The following VWA8 variants were observed in gnomAD, a reference collection of about 807,000 sequenced individuals.
The protein encoded by VWA8 is von Willebrand factor A domain-containing protein 8.
VWA8 carries 221 observed loss-of-function variants against 241.5 expected under a neutral mutation model. The observed-to-expected ratio is 0.91, with a 90% CI of 0.82 to 1.02. VWA8 has a LOEUF of 1.02. VWA8 is among the 50% of genes least tolerant of loss of function. VWA8 has a pLI of 0.00. For missense variants in VWA8, 2,322 were observed against 2,328.7 expected (o/e 1.00, Z 0.06); for synonymous variants, 852 against 827.1 (o/e 1.03, Z -0.52).
At chr13:41,822,021 T>C (rs1458111744) in intron 14 of VWA8, among the ~76,000 whole-genome samples, 3 of 151,602 alleles carry the variant, frequency 2.0e-5, no homozygotes, top group East Asian at 3.9e-4. Context: ...GGTGCAGGAG[T>C]TGGGGATGTC....
chr13:41,636,171 C>T (rs2044755436), intron 37 of VWA8, among the ~76,000 whole-genome samples: 1 of 152,110 alleles, frequency 6.6e-6, no homozygotes, highest in African/African-American at 2.4e-5. Flanking sequence ...CATCATGCTA[C>T]CTGACTTCAA....
At chr13:41,744,013 G>A (rs1352061109) in intron 21 of VWA8, among the ~76,000 whole-genome samples, 2 of 152,214 alleles carry the variant, frequency 1.3e-5, no homozygotes, top group African/African-American at 4.8e-5. Flanking sequence ...AAATGCTTGG[G>A]AGGTCACAGG....
At position 41,829,325 on chromosome 13, in the gene VWA8, C is replaced by T. The variant is rs149136529; in HGVS notation, c.1700+1204G>A. On this transcript the variant is annotated intron_variant, in intron 14 of 44. Coordinates refer to ENST00000379310, the MANE Select transcript of VWA8 (RefSeq NM_015058.2). ...AAATTAGTATAACCACTATGGAAAACAGTATGGAGAGTCCTTAAAGAACTA... is the reference window on the plus strand; with the variant it reads ...AAATTAGTATAACCACTATGGAAAATAGTATGGAGAGTCCTTAAAGAACTA... Among the ~76,000 whole-genome samples, 662 of 152,116 alleles carry T rather than the reference C, an allele frequency of 4.4e-3. 5 individuals carry two copies. The highest frequency in any genetic ancestry group is 6.8e-3 in the Non-Finnish European group (460 of 67,996).
chr13:41,878,170 T>C (rs1873991394), intron 9 of VWA8, among the ~76,000 whole-genome samples: 2 of 152,050 alleles, frequency 1.3e-5, no homozygotes, highest in Non-Finnish European at 2.9e-5. Context: ...TATATATACA[T>C]ACCTTCTTAA....
rs1332305172 is a variant in VWA8 at position 41,800,794 on chromosome 13, A to C, written c.2063+10431T>G. Among the ~76,000 whole-genome samples the C allele has an allele frequency of 1.6e-4, 15 of 94,488 alleles. No individual in the cohort carries two copies. The South Asian group carries it at 7.4e-3, about 47-fold the overall frequency. 62.0% of individuals were successfully genotyped at this position (94,488 alleles called of 152,430 possible). Reference sequence around the variant, plus strand: ...GGTGACAGAGCGAGACTCCATCTCCAAAAAAAAAAAAAAAAACACCGTGTT... The same window carrying C: ...GGTGACAGAGCGAGACTCCATCTCCCAAAAAAAAAAAAAAAACACCGTGTT... On this transcript the variant is annotated intron_variant, in intron 17 of 44. Coordinates refer to ENST00000379310, the MANE Select transcript of VWA8 (RefSeq NM_015058.2).
intron 2 of VWA8, among the ~76,000 whole-genome samples, chr13:41,933,192 T>A (rs191392103): frequency 5.8e-4 from 88 of 152,028 alleles, no homozygotes; most frequent in African/African-American, 2.0e-3. Flanking sequence ...TATGTTTAAG[T>A]TAAAAAGACA....
intron 20 of VWA8, among the ~76,000 whole-genome samples, chr13:41,763,183 G>C (rs1212273671): frequency 6.6e-6 from 1 of 152,048 alleles, no homozygotes; most frequent in Non-Finnish European, 1.5e-5. Flanking sequence ...TAGCTACTTG[G>C]GAGGCTGAGG....
At chr13:41,657,385 C>A (rs2044913842) in intron 37 of VWA8, among the ~76,000 whole-genome samples, 1 of 152,024 alleles carries the variant, frequency 6.6e-6, no homozygotes, top group Non-Finnish European at 1.5e-5. Context: ...TTCTATGTTC[C>A]TAATAAACAT....
At chr13:41,869,719 C>A (rs1179432945) in intron 9 of VWA8, among the ~76,000 whole-genome samples, 1 of 149,526 alleles carries the variant, frequency 6.7e-6, no homozygotes. Context: ...ATTGACTACA[C>A]CACTTCATTC....
intron 21 of VWA8, among the ~76,000 whole-genome samples, chr13:41,742,293 T>C (rs1310699570): frequency 6.6e-6 from 1 of 152,234 alleles, no homozygotes; most frequent in Non-Finnish European, 1.5e-5. Context: ...CATTCATTTG[T>C]TTAACAAATG....
At chr13:41,739,178 G>T (rs928525726) in intron 21 of VWA8, among the ~76,000 whole-genome samples, 5 of 152,040 alleles carry the variant, frequency 3.3e-5, no homozygotes, top group African/African-American at 1.2e-4. Context: ...ATACTTAAGG[G>T]AACTTATCTT....
At chr13:41,700,689 CTG>C (rs1302539205) in intron 28 of VWA8, among the ~76,000 whole-genome samples, 2 of 152,052 alleles carry the variant, frequency 1.3e-5, no homozygotes, top group African/African-American at 4.8e-5. Flanking sequence ...TTAAGAAAAA[CTG>C]TAAATTTTTA....
intron 2 of VWA8, among the ~76,000 whole-genome samples, chr13:41,915,941 AT>A (rs1463595665): frequency 6.6e-6 from 1 of 152,156 alleles, no homozygotes; most frequent in African/African-American, 2.4e-5. Flanking sequence ...CATACAAACG[AT>A]TTTTCACATA....
At chr13:41,797,127 T>C (rs974729935) in intron 17 of VWA8, among the ~76,000 whole-genome samples, 1 of 151,964 alleles carries the variant, frequency 6.6e-6, no homozygotes, top group African/African-American at 2.4e-5. Context: ...ACTGCCCGGG[T>C]TCAAGTGATT....
intron 35 of VWA8, among the ~76,000 whole-genome samples, chr13:41,679,265 C>T (rs1266865928): frequency 6.6e-6 from 1 of 152,112 alleles, no homozygotes; most frequent in Non-Finnish European, 1.5e-5. Context: ...TGCACAGTGC[C>T]AAGGTTAGAA....
chr13:41,712,833 GA>G (rs2045327069), intron 26 of VWA8, among the ~76,000 whole-genome samples: 1 of 152,036 alleles, frequency 6.6e-6, no homozygotes, highest in South Asian at 2.1e-4. Context: ...TTACTTAATA[GA>G]AAAAACAATA....
In VWA8 at chr13:41,902,516, A is replaced by G. The variant is rs74700772; in HGVS notation, c.483+5070T>C. 3.6e-3 allele frequency among the ~76,000 whole-genome samples: 555 copies of G among 152,278 alleles called. 2 individuals carry two copies. Among genetic ancestry groups the G allele is most frequent in the African/African-American group, 0.013 (524 of 41,554 alleles). On this transcript the variant is annotated intron_variant, in intron 4 of 44. Transcript: ENST00000379310. ...CAACTAAAACATAAGCTCTATAACA[A>G]CAGAGATTTTTGGTTTATTTGTTCA...
chr13:41,844,093 AAT>A (rs1167734905), intron 12 of VWA8, among the ~76,000 whole-genome samples: 1 of 152,200 alleles, frequency 6.6e-6, no homozygotes, highest in Non-Finnish European at 1.5e-5. Flanking sequence ...TCCTCAACAA[AAT>A]ACTAGCAAAA....
chr13:41,960,112 C>T (rs1182284529), intron 1 of VWA8, among the ~76,000 whole-genome samples: 1 of 152,176 alleles, frequency 6.6e-6, no homozygotes, highest in Non-Finnish European at 1.5e-5. Context: ...ACTCCACCAA[C>T]ACACAAGAAA....
Sources: gnomAD v4.1 joint callset for allele counts (sites outside exome capture counted in the v4.1 genomes callset) on GRCh38, gnomAD v4.1.1 for gene constraint, MANE v1.5 for transcripts, NCBI Gene and HGNC (gene_info 2026-07-23, HGNC 2026-07-21) for gene names.